The following IL10RB variants were observed in gnomAD, a reference collection of about 807,000 sequenced individuals.
IL10RB encodes interleukin 10 receptor subunit beta.
In IL10RB, 30 loss-of-function variants were observed where a neutral mutation model predicts 38.7. The observed-to-expected ratio is 0.78, with a 90% CI of 0.58 to 1.05. The LOEUF (loss-of-function observed/expected upper bound fraction) is 1.05, where lower values mean the gene tolerates loss of function less well. Among genes scored for constraint, IL10RB ranks in the 50% least tolerant of loss-of-function variants. The pLI is 0.00. For synonymous variants in IL10RB, 142 were observed against 145.9 expected (o/e 0.97, Z 0.19); for missense variants, 328 against 397.1 (o/e 0.83, Z 1.48).
rs912300659 is a variant in IL10RB, at chr21:33,283,257, C to T, written c.646+16C>T. ...ACCCATGACGGTAAGCCCTGAGATG[C>T]ACCTCCGCTAAGCATCCTAAACAGC... On this transcript the variant is annotated intron_variant, in intron 5 of 6. Transcript: ENST00000290200. 6 of 1,612,240 alleles carry T rather than the reference C, an allele frequency of 3.7e-6. No homozygotes were observed. In the African/African-American group the frequency reaches 5.3e-5, roughly 14 times the overall value.
At chr21:33,289,323 G>C (rs1427496683) in intron 6 of IL10RB, among the ~76,000 whole-genome samples, 1 of 152,236 alleles carries the variant, frequency 6.6e-6, no homozygotes, top group Non-Finnish European at 1.5e-5. Context: ...GATCTGAGTT[G>C]ATCTCGTTTC....
In IL10RB at chr21:33,289,448, G is replaced by A. The variant is rs552328429; in HGVS notation, c.804+1187G>A. On this transcript the variant is annotated intron_variant, in intron 6 of 6. Transcript: ENST00000290200. Reference sequence around the variant, plus strand: ...GGCTGGCTCCTTCCTCCGCTGCCCTGAGGGCCCGCTCTCCTCTCCCGGGAG... The same window carrying A: ...GGCTGGCTCCTTCCTCCGCTGCCCTAAGGGCCCGCTCTCCTCTCCCGGGAG... Among the ~76,000 whole-genome samples the A allele has an allele frequency of 4.2e-3, 640 of 152,020 alleles. 7 individuals are homozygous for A. Among genetic ancestry groups the A allele is most frequent in the South Asian group, 0.016 (78 of 4,816 alleles).
intron 3 of IL10RB, among the ~76,000 whole-genome samples, chr21:33,277,981 A>G (rs956216097): frequency 1.3e-5 from 2 of 149,740 alleles, no homozygotes; most frequent in Non-Finnish European, 3.0e-5. Flanking sequence ...CCTTGAGCCC[A>G]GGAATTTAAG....
intron 6 of IL10RB, among the ~76,000 whole-genome samples, chr21:33,290,058 G>T (rs907505485): frequency 6.6e-6 from 1 of 152,048 alleles, no homozygotes; most frequent in Non-Finnish European, 1.5e-5. Context: ...AGCTGGCAGT[G>T]AGCCAAGATC....
intron 1 of IL10RB, chr21:33,308,948 G>A (rs2083005505): frequency 6.6e-6 from 1 of 152,206 alleles, no homozygotes. Flanking sequence ...GCAGTTTTCT[G>A]TGTTGTTGTG....
chr21:33,300,842 G>A (rs1234196858), downstream of IL10RB, among the ~76,000 whole-genome samples: 1 of 152,206 alleles, frequency 6.6e-6, no homozygotes, highest in African/African-American at 2.4e-5. Flanking sequence ...ATCTTGAAGA[G>A]GGGCTGGGTA....
intron 6 of IL10RB, among the ~76,000 whole-genome samples, chr21:33,294,386 T>TGC (rs981732261): frequency 8.6e-6 from 1 of 116,278 alleles, no homozygotes. Flanking sequence ...TGTGTGTGTG[T>TGC]GTGCGTGTGT....
chr21:33,305,743 C>G lies in IL10RB; in HGVS notation c.130-3233C>G, dbSNP rs137999211. ...AGGAAGAGAGCACACCTCATTGTCCCCCACCCTCTGATCTTGGGCTGATGC... is the reference window on the plus strand; with the variant it reads ...AGGAAGAGAGCACACCTCATTGTCCGCCACCCTCTGATCTTGGGCTGATGC... On this transcript the variant is annotated intron_variant, in intron 1 of 1. Transcript: ENST00000609556. Among the ~76,000 whole-genome samples the G allele has an allele frequency of 4.6e-3, 695 of 152,296 alleles. 7 individuals carry two copies. Among genetic ancestry groups the G allele is most frequent in the African/African-American group, 0.016 (647 of 41,564 alleles).
intron 2 of IL10RB, among the ~76,000 whole-genome samples, chr21:33,269,636 C>A (rs1191951988): frequency 6.7e-6 from 1 of 149,542 alleles, no homozygotes; most frequent in African/African-American, 2.5e-5. Context: ...AAATAGCCTA[C>A]AATCAGATTC....
At chr21:33,287,582 G>T (rs963325759) in intron 5 of IL10RB, among the ~76,000 whole-genome samples, 1 of 151,962 alleles carries the variant, frequency 6.6e-6, no homozygotes, top group African/African-American at 2.4e-5. Context: ...GCCCAGACTG[G>T]TCTCAAACTC....
chr21:33,266,854 C>T (rs554413422), intron 1 of IL10RB, among the ~76,000 whole-genome samples: 2 of 152,260 alleles, frequency 1.3e-5, no homozygotes, highest in East Asian at 3.9e-4. Flanking sequence ...AAGATCCCAC[C>T]GTGGCTGTCA....
chr21:33,283,034 A>G, intron 4 of IL10RB, 60 bp from the exon 5 acceptor site: 1 of 1,387,798 alleles, frequency 7.2e-7, no homozygotes, highest in Non-Finnish European at 1.0e-6. Flanking sequence ...AATGTGAAAA[A>G]AAAAAAGGTG....
intron 5 of IL10RB, among the ~76,000 whole-genome samples, chr21:33,285,882 C>T (rs1316269547): frequency 6.6e-6 from 1 of 152,166 alleles, no homozygotes; most frequent in African/African-American, 2.4e-5. Flanking sequence ...CAGCTCACTG[C>T]CGTATGACCC....
chr21:33,282,151 A>C (rs142260676), intron 4 of IL10RB, among the ~76,000 whole-genome samples: 2 of 152,280 alleles, frequency 1.3e-5, no homozygotes, highest in East Asian at 3.9e-4. Flanking sequence ...CCATAAGTCT[A>C]ATCCAATTAT....
downstream of IL10RB, among the ~76,000 whole-genome samples, chr21:33,299,022 A>G (rs1278333264): frequency 6.6e-6 from 1 of 152,188 alleles, no homozygotes; most frequent in Non-Finnish European, 1.5e-5. Flanking sequence ...GGCCCAACCA[A>G]TCCACTATGC....
chr21:33,278,814 T>G (rs1192050981), intron 3 of IL10RB, among the ~76,000 whole-genome samples: 1 of 152,236 alleles, frequency 6.6e-6, no homozygotes, highest in African/African-American at 2.4e-5. Context: ...CTTGTCTGGT[T>G]TTCAGACGAG....
chr21:33,270,095 T>G (rs546041983), intron 2 of IL10RB, among the ~76,000 whole-genome samples: 3 of 152,352 alleles, frequency 2.0e-5, no homozygotes, highest in African/African-American at 7.2e-5. Context: ...AGTGAGAAGC[T>G]CAGGAACTTT....
At chr21:33,279,236 A>G (rs1989236171) in intron 3 of IL10RB, among the ~76,000 whole-genome samples, 1 of 152,204 alleles carries the variant, frequency 6.6e-6, no homozygotes, top group Non-Finnish European at 1.5e-5. Context: ...GGAGCCAGCC[A>G]CATGAATATC....
At chr21:33,274,527 C>A (rs1234965787) in intron 2 of IL10RB, among the ~76,000 whole-genome samples, 1 of 152,146 alleles carries the variant, frequency 6.6e-6, no homozygotes, top group Non-Finnish European at 1.5e-5. Context: ...ACTCCTTGAC[C>A]CATGGGCTAC....
Sources: gnomAD v4.1 joint callset for allele counts (sites outside exome capture counted in the v4.1 genomes callset) on GRCh38, gnomAD v4.1.1 for gene constraint, MANE v1.5 for transcripts, NCBI Gene and HGNC (gene_info 2026-07-23, HGNC 2026-07-21) for gene names.